The following SLIT3 variants were observed in gnomAD, a reference collection of about 807,000 sequenced individuals.
SLIT3 encodes the protein slit guidance ligand 3.
SLIT3 carries 68 observed loss-of-function variants against 184.0 expected under a neutral mutation model. That is an observed-to-expected ratio of 0.37 (90% CI 0.30 to 0.45). SLIT3 has a LOEUF of 0.45. Ranked by LOEUF, SLIT3 falls within the 20% of genes least tolerant of loss-of-function variation. The probability of loss-of-function intolerance (pLI) is 1.00; values close to 1 mark genes in which losing one functional copy is unlikely to be tolerated. For synonymous variants in SLIT3, 831 were observed against 828.6 expected, an observed-to-expected ratio of 1.00 and a Z score of -0.05; for missense variants, 1,707 against 2,026.0, an observed-to-expected ratio of 0.84 and a Z score of 3.02.
chr5:168,913,835 G>A (rs1187802150), intron 4 of SLIT3, among the ~76,000 whole-genome samples: 1 of 151,756 alleles, frequency 6.6e-6, no homozygotes, highest in African/African-American at 2.4e-5. Flanking sequence ...TCTGACCTCT[G>A]GTCTCTTCCT....
intron 4 of SLIT3, among the ~76,000 whole-genome samples, chr5:169,109,681 C>T (rs1338390950): frequency 6.6e-6 from 1 of 152,160 alleles, no homozygotes; most frequent in African/African-American, 2.4e-5. Flanking sequence ...TTAGGCACTA[C>T]CATCTCCCTA....
chr5:169,206,775 T>C (rs1441677276), intron 3 of SLIT3, among the ~76,000 whole-genome samples: 1 of 152,238 alleles, frequency 6.6e-6, no homozygotes, highest in East Asian at 1.9e-4. Context: ...AAAAAGTTCT[T>C]TTAAGCCTTT....
rs79733968 is a variant in SLIT3, at chr5:169,221,750, G to A, written c.341+22955C>T. Among the ~76,000 whole-genome samples the A allele has an allele frequency of 8.4e-3, 1,282 of 152,238 alleles. 20 individuals are homozygous for A. The highest frequency in any genetic ancestry group is 0.029 in the African/African-American group (1,199 of 41,526). ...TAGTGCTGTGTCTGCCTTTCATCAC[G>A]TCTTGGTATCCCTCTTCCAATGCCA... On this transcript the variant is annotated intron_variant, in intron 3 of 35. Coordinates refer to ENST00000519560, the MANE Select transcript of SLIT3 (RefSeq NM_003062.4).
chr5:169,163,922 G>A lies in SLIT3; in HGVS notation c.413+29557C>T, dbSNP rs80276966. On this transcript the variant is annotated intron_variant, in intron 4 of 35. Coordinates refer to ENST00000519560, the MANE Select transcript of SLIT3 (RefSeq NM_003062.4). ...TTCGTTCCTTTGGGCCTGGGCAGAGGTGATGCTTGCGGGCCCCCAGTGAGA... is the reference window on the plus strand; with the variant it reads ...TTCGTTCCTTTGGGCCTGGGCAGAGATGATGCTTGCGGGCCCCCAGTGAGA... 4.5e-3 allele frequency among the ~76,000 whole-genome samples: 683 copies of A among 152,276 alleles called. 1 individual carries two copies. Among genetic ancestry groups the A allele is most frequent in the African/African-American group, 0.016 (646 of 41,562 alleles).
intron 4 of SLIT3, among the ~76,000 whole-genome samples, chr5:169,098,240 A>AG (rs1291471231): frequency 6.6e-6 from 1 of 152,198 alleles, no homozygotes; most frequent in African/African-American, 2.4e-5. Context: ...CAAATGACCA[A>AG]GTGTCTTTCT....
At position 168,722,300 on chromosome 5, in the gene SLIT3, G is replaced by A. The variant is rs765480129; in HGVS notation, c.2439C>T (p.Cys813=). ...GCCCGTTGAAGGCGTGGACGGGGAT[G>A]CACCTCAGCCGGTTGTAGCTCAGGA... ...TLILSYNRLR[C]IPVHAFNGLR... is the part of the protein sequence containing the mutation. The change falls in exon 23 of 36, where the codon TGC becomes TGT. Residue 813 remains cysteine, a synonymous_variant. Coordinates refer to ENST00000519560, the MANE Select transcript of SLIT3 (RefSeq NM_003062.4). The A allele has an allele frequency of 1.2e-5, 19 of 1,614,048 alleles. 1 individual carries two copies. The East Asian group carries it at 4.0e-4, about 34-fold the overall frequency.
chr5:168,741,119 C>T (rs1038413203), intron 20 of SLIT3, among the ~76,000 whole-genome samples: 2 of 152,166 alleles, frequency 1.3e-5, no homozygotes, highest in African/African-American at 4.8e-5. Flanking sequence ...GGGCTGGCAG[C>T]CCTAGTTTCA....
At chr5:168,809,917 G>A (rs1029560595) in intron 8 of SLIT3, among the ~76,000 whole-genome samples, 4 of 152,192 alleles carry the variant, frequency 2.6e-5, no homozygotes, top group African/African-American at 9.7e-5. Context: ...GGGAGGTGGA[G>A]TGGCCGTGGG....
intron 4 of SLIT3, among the ~76,000 whole-genome samples, chr5:169,046,478 T>C (rs937441106): frequency 2.4e-4 from 36 of 152,276 alleles, no homozygotes; most frequent in African/African-American, 8.7e-4. Flanking sequence ...GAGAGCAACA[T>C]TCTCTTTGGA....
At chr5:169,009,608 A>T (rs62379469) in intron 4 of SLIT3, among the ~76,000 whole-genome samples, 5,555 of 152,346 alleles carry the variant, frequency 0.036, 126 homozygotes, top group Middle Eastern at 0.065. Flanking sequence ...CTTAGGTTAC[A>T]GATAGTGACA....
intron 4 of SLIT3, among the ~76,000 whole-genome samples, chr5:169,083,471 G>A (rs1759153146): frequency 6.6e-6 from 1 of 152,222 alleles, no homozygotes; most frequent in African/African-American, 2.4e-5. Context: ...GGTGAATGGT[G>A]TTGAGGGCTA....
intron 5 of SLIT3, among the ~76,000 whole-genome samples, chr5:168,859,757 C>A (rs369906712): frequency 1.3e-5 from 2 of 152,284 alleles, no homozygotes; most frequent in East Asian, 3.9e-4. Flanking sequence ...TATTTCAGAA[C>A]AGAATTCAGG....
At chr5:168,798,767 T>C (rs1046397608) in intron 9 of SLIT3, among the ~76,000 whole-genome samples, 11 of 151,716 alleles carry the variant, frequency 7.3e-5, no homozygotes. Flanking sequence ...AGAGCTATGA[T>C]GGATCAGGTG....
intron 4 of SLIT3, among the ~76,000 whole-genome samples, chr5:168,893,304 G>A (rs1760537620): frequency 6.6e-6 from 1 of 152,158 alleles, no homozygotes. Flanking sequence ...GTGGGGTTTG[G>A]GAAAGGGAAC....
chr5:169,104,060 T>C (rs1316479995), intron 4 of SLIT3, among the ~76,000 whole-genome samples: 2 of 152,192 alleles, frequency 1.3e-5, no homozygotes, highest in Non-Finnish European at 2.9e-5. Context: ...GCCTGATGCA[T>C]TAGCCCTGAT....
chr5:169,110,485 C>T (rs896179502), intron 4 of SLIT3, among the ~76,000 whole-genome samples: 5 of 152,012 alleles, frequency 3.3e-5, no homozygotes, highest in South Asian at 2.1e-4. Flanking sequence ...TTTAGGTGTT[C>T]GTTGTCTTGT....
chr5:169,013,402 C>T (rs939387176), intron 4 of SLIT3: 1 of 152,164 alleles, frequency 6.6e-6, no homozygotes, highest in Non-Finnish European at 1.5e-5. Context: ...CGTCAGGGCC[C>T]CCAGGATGGG....
At chr5:169,007,163 AG>A (rs1755966848) in intron 4 of SLIT3, among the ~76,000 whole-genome samples, 1 of 152,196 alleles carries the variant, frequency 6.6e-6, no homozygotes, top group Non-Finnish European at 1.5e-5. Context: ...CACCTTGTGA[AG>A]AAGGTCCCTG....
At chr5:169,116,051 GA>G (rs1760651149) in intron 4 of SLIT3, among the ~76,000 whole-genome samples, 1 of 152,214 alleles carries the variant, frequency 6.6e-6, no homozygotes, top group African/African-American at 2.4e-5. Flanking sequence ...CTCAGAGAAA[GA>G]GAAAGAGAGA....
Sources: gnomAD v4.1 joint callset for allele counts (sites outside exome capture counted in the v4.1 genomes callset) on GRCh38, gnomAD v4.1.1 for gene constraint, MANE v1.5 for transcripts, NCBI Gene and HGNC (gene_info 2026-07-23, HGNC 2026-07-21) for gene names.